The following HSPBAP1 variants were observed in gnomAD, a reference collection of about 807,000 sequenced individuals.
HSPBAP1 encodes HSPB1-associated protein 1.
In HSPBAP1, 27 loss-of-function variants were observed where a neutral mutation model predicts 45.2. The ratio of observed to expected loss-of-function variants is 0.60; its 90% confidence interval spans 0.44 to 0.82. The LOEUF (loss-of-function observed/expected upper bound fraction) is 0.82. Among genes scored for constraint, HSPBAP1 ranks in the 40% least tolerant of loss-of-function variants. The probability of loss-of-function intolerance (pLI) is 0.00; values close to 1 mark genes in which losing one functional copy is unlikely to be tolerated. For synonymous variants in HSPBAP1, 204 were observed against 202.7 expected, an observed-to-expected ratio of 1.01 and a Z score of -0.06; for missense variants, 510 against 590.9, an observed-to-expected ratio of 0.86 and a Z score of 1.42.
intron 1 of HSPBAP1, among the ~76,000 whole-genome samples, chr3:122,780,636 G>A (rs1464151018): frequency 6.7e-6 from 1 of 149,924 alleles, no homozygotes; most frequent in Admixed American, 6.6e-5. Flanking sequence ...GGACAGGGCG[G>A]CTGGCCAGGC....
intron 1 of HSPBAP1, among the ~76,000 whole-genome samples, chr3:122,789,368 T>G (rs541397234): frequency 6.6e-6 from 1 of 152,218 alleles, no homozygotes; most frequent in Non-Finnish European, 1.5e-5. Flanking sequence ...TAACCTCAGT[T>G]TGAAAGATAG....
At chr3:122,743,750 CAGAT>C (rs1437155449) in intron 6 of HSPBAP1, among the ~76,000 whole-genome samples, 1 of 152,048 alleles carries the variant, frequency 6.6e-6, no homozygotes, top group African/African-American at 2.4e-5. Flanking sequence ...GATAGATGGA[CAGAT>C]AATGTGACAA....
rs535189641 is a variant in HSPBAP1, at chr3:122,762,271, CTT to C, written c.433-2913_433-2912del. On this transcript the variant is annotated intron_variant, in intron 3 of 7. Coordinates refer to ENST00000306103, the MANE Select transcript of HSPBAP1 (RefSeq NM_024610.6). The stretch of plus-strand genomic sequence containing the variant: ...GAAAACTGTCCAACTTCTCCTTTAT[CTT>C]TTTTTTTTTTTAACCTAGACACAGC... Among the ~76,000 whole-genome samples, 574 of 145,436 alleles carry C rather than the reference CTT, an allele frequency of 3.9e-3. 4 individuals carry two copies. The highest frequency in any genetic ancestry group is 0.012 in the African/African-American group (482 of 39,942).
At chr3:122,769,982 G>A (rs1934930473) in intron 2 of HSPBAP1, among the ~76,000 whole-genome samples, 1 of 152,200 alleles carries the variant, frequency 6.6e-6, no homozygotes, top group South Asian at 2.1e-4. Flanking sequence ...CCCAGTCAAT[G>A]TTAGGCACTA....
intron 1 of HSPBAP1, among the ~76,000 whole-genome samples, chr3:122,780,523 C>T (rs1935404213): frequency 7.3e-6 from 1 of 137,386 alleles, no homozygotes; most frequent in African/African-American, 3.0e-5. Context: ...CCCCCACCTC[C>T]CTCCCGGACG....
intron 2 of HSPBAP1, among the ~76,000 whole-genome samples, chr3:122,774,244 G>A (rs1935110461): frequency 6.6e-6 from 1 of 152,224 alleles, no homozygotes; most frequent in Non-Finnish European, 1.5e-5. Context: ...GTGTTCTGAG[G>A]TAATTGAATA....
At chr3:122,775,468 A>T (rs530431612) in intron 2 of HSPBAP1, among the ~76,000 whole-genome samples, 4 of 151,738 alleles carry the variant, frequency 2.6e-5, no homozygotes, top group African/African-American at 9.7e-5. Context: ...AATAGTTATA[A>T]TTTTTTTTTC....
rs1201889620 is a variant in HSPBAP1 at position 122,746,627 on chromosome 3, T to TC, written c.826-5515dup. ...GCTCTCTCCTCTCTCCTCTCTCCTC[T>TC]CTCTCTCCTCTCCCCTCTCCCCTCT... On this transcript the variant is annotated intron_variant, in intron 6 of 7. Transcript: ENST00000306103. Among the ~76,000 whole-genome samples the TC allele has an allele frequency of 2.0e-4, 28 of 140,930 alleles. 1 individual carries two copies. The South Asian group carries it at 2.9e-3, about 15-fold the overall frequency. 92.5% of individuals were successfully genotyped at this position (140,930 alleles called of 152,430 possible).
Position 122,768,724 on chromosome 3 carries a change from C to T in HSPBAP1, c.409G>A (p.Glu137Lys). ...ADYKYFVSLF[E>K]DKTDLFQDVK... The stretch of plus-strand genomic sequence containing the variant: ...ACCTGGAAAAGATCTGTCTTGTCTT[C>T]AAATAGACTGACAAAATATTTATAG... The change falls in exon 3 of 8, where the codon GAA (glutamate) becomes AAA (lysine). Residue 137 changes from glutamate to lysine, a missense_variant. Physicochemically the swap from Glu to Lys is moderately conservative, Grantham distance 56. Transcript: ENST00000306103. 1.2e-6 allele frequency: 2 copies of T among 1,612,132 alleles called. No homozygotes were observed. The highest frequency in any genetic ancestry group is 1.7e-6 in the Non-Finnish European group (2 of 1,178,340).
intron 3 of HSPBAP1, among the ~76,000 whole-genome samples, chr3:122,766,198 G>A (rs1200327378): frequency 3.9e-5 from 6 of 152,004 alleles, no homozygotes; most frequent in South Asian, 2.1e-4. Flanking sequence ...TTATGTTAAC[G>A]TATAGTGGGT....
intron 3 of HSPBAP1, among the ~76,000 whole-genome samples, chr3:122,762,582 G>C (rs1162530410): frequency 6.6e-6 from 1 of 152,096 alleles, no homozygotes; most frequent in Non-Finnish European, 1.5e-5. Context: ...TATAGTCAAG[G>C]ACTAGCCTAA....
intron 6 of HSPBAP1, among the ~76,000 whole-genome samples, chr3:122,742,671 T>C (rs535868429): frequency 6.6e-6 from 1 of 152,362 alleles, no homozygotes; most frequent in South Asian, 2.1e-4. Context: ...AAGGAGATTA[T>C]ACTCAATAAT....
Position 122,740,303 on chromosome 3 carries a change from A to G in HSPBAP1, c.*42T>C, listed in dbSNP as rs1933611208. ...TTTTAGTCATACTACTTAAAAATAT[A>G]TATTTAAAAAATATTATTTTAAAAG... On this transcript the variant is annotated 3_prime_UTR_variant, in exon 8 of 8. Transcript: ENST00000306103. The G allele has an allele frequency of 7.2e-6, 9 of 1,250,002 alleles. No homozygotes were observed. Among genetic ancestry groups the G allele is most frequent in the Non-Finnish European group, 7.5e-6 (7 of 932,844 alleles). The allele number at this position is 1,250,002 out of a possible 1,614,324, so 77.4% of individuals were successfully genotyped here.
At chr3:122,754,056 T>C (rs1934254408) in intron 5 of HSPBAP1, 1 of 217,638 alleles carries the variant, frequency 4.6e-6, no homozygotes, top group Admixed American at 6.5e-5. Context: ...GTACAGCTGC[T>C]ATGGAAAATA....
Position 122,740,480 on chromosome 3 carries a change from A to G in HSPBAP1, c.1332T>C (p.Ile444=), listed in dbSNP as rs138065412. ...QQIMSNSENA[I]EEQIASNTTT... is the part of the protein sequence containing the mutation. The stretch of plus-strand genomic sequence containing the variant: ...TAGTATTTGAGGCAATCTGTTCCTC[A>G]ATTGCATTTTCACTGTTGCTCATTA... The change falls in exon 8 of 8, where the codon ATT becomes ATC. Residue 444 remains isoleucine, a synonymous_variant. Transcript: ENST00000306103. 23 of 1,614,162 alleles carry G rather than the reference A, an allele frequency of 1.4e-5. No homozygotes were observed. The African/African-American group carries it at 2.1e-4, about 15-fold the overall frequency.
At chr3:122,753,777 T>C in intron 5 of HSPBAP1, 1 of 985,284 alleles carries the variant, frequency 1.0e-6, no homozygotes, top group South Asian at 4.7e-5. Flanking sequence ...GTTATGCATG[T>C]CCTATCAGAG....
In HSPBAP1 at chr3:122,771,145, G is replaced by A. The variant is rs187870575; in HGVS notation, c.251-2263C>T. Reference sequence around the variant, plus strand: ...TTACATACGAGAACTGTTACTGTCAGGGGAAAATTATCATGAATGGAATGA... The same window carrying A: ...TTACATACGAGAACTGTTACTGTCAAGGGAAAATTATCATGAATGGAATGA... On this transcript the variant is annotated intron_variant, in intron 2 of 7. Coordinates refer to ENST00000306103, the MANE Select transcript of HSPBAP1 (RefSeq NM_024610.6). 1.0e-3 allele frequency among the ~76,000 whole-genome samples: 155 copies of A among 152,318 alleles called. 1 individual carries two copies. The highest frequency in any genetic ancestry group is 3.7e-3 in the African/African-American group (152 of 41,564).
chr3:122,753,135 G>T, intron 5 of HSPBAP1: 1 of 368,752 alleles, frequency 2.7e-6, no homozygotes, highest in Non-Finnish European at 3.8e-6. Context: ...GGACAATGGT[G>T]TTTCAGAATT....
chr3:122,771,719 A>G (rs578008568), intron 2 of HSPBAP1, among the ~76,000 whole-genome samples: 1 of 152,336 alleles, frequency 6.6e-6, no homozygotes, highest in African/African-American at 2.4e-5. Flanking sequence ...ATCTTGGGAA[A>G]CAAATCTGAT....
Sources: gnomAD v4.1 joint callset for allele counts (sites outside exome capture counted in the v4.1 genomes callset) on GRCh38, gnomAD v4.1.1 for gene constraint, MANE v1.5 for transcripts, NCBI Gene and HGNC (gene_info 2026-07-23, HGNC 2026-07-21) for gene names.